PDE10A: variants seen among roughly 807,000 people sequenced by gnomAD.
PDE10A encodes the protein cAMP and cAMP-inhibited cGMP 3',5'-cyclic phosphodiesterase 10A.
Under a neutral mutation model 97.7 loss-of-function variants are expected in PDE10A, and 39 were observed. The observed-to-expected ratio is 0.40, with a 90% confidence interval of 0.31 to 0.52. The LOEUF (loss-of-function observed/expected upper bound fraction) is 0.52, where lower values mean the gene tolerates loss of function less well. Among genes scored for constraint, PDE10A ranks in the 20% least tolerant of loss-of-function variants. The pLI, the probability that PDE10A is intolerant of heterozygous loss-of-function variation, is 0.56. For synonymous variants in PDE10A, 371 were observed against 376.8 expected, an observed-to-expected ratio of 0.98 and a Z score of 0.18; for missense variants, 731 against 1,047.8, an observed-to-expected ratio of 0.70 and a Z score of 4.17.
chr6:165,480,790 T>C (rs1779561618), intron 3 of PDE10A, among the ~76,000 whole-genome samples: 1 of 152,196 alleles, frequency 6.6e-6, no homozygotes, highest in African/African-American at 2.4e-5. Context: ...TGAATCTTTA[T>C]TGAAAATAGT....
At chr6:165,902,327 G>C (rs1782135776) in intron 1 of PDE10A, among the ~76,000 whole-genome samples, 1 of 152,234 alleles carries the variant, frequency 6.6e-6, no homozygotes, top group Non-Finnish European at 1.5e-5. Flanking sequence ...ATGCAAAAAT[G>C]AGCAAGCGGC....
intron 2 of PDE10A, among the ~76,000 whole-genome samples, chr6:165,494,521 T>TGC (rs901181873): frequency 7.3e-6 from 1 of 137,216 alleles, no homozygotes; most frequent in Non-Finnish European, 1.6e-5. Context: ...TGTGTGCATA[T>TGC]ATATATATAT....
intron 21 of PDE10A, among the ~76,000 whole-genome samples, chr6:165,335,622 G>C (rs965780945): frequency 3.3e-5 from 5 of 152,088 alleles, no homozygotes; most frequent in African/African-American, 1.2e-4. Context: ...CCAGGCCTGA[G>C]GACCTCCAGG....
chr6:165,369,621 T>C (rs9459388), intron 18 of PDE10A, among the ~76,000 whole-genome samples: 57,403 of 134,194 alleles, frequency 0.43, 13,139 homozygotes, highest in African/African-American at 0.59. Context: ...CTGAAAGTGA[T>C]GGGGAGAATG....
chr6:165,909,044 G>A (rs1164148006), intron 1 of PDE10A: 1 of 152,142 alleles, frequency 6.6e-6, no homozygotes, highest in African/African-American at 2.4e-5. Context: ...TGGCAATGAA[G>A]ATCTGGAGAA....
At chr6:165,806,572 G>A (rs1209045026) in intron 1 of PDE10A, among the ~76,000 whole-genome samples, 1 of 152,160 alleles carries the variant, frequency 6.6e-6, no homozygotes, top group Non-Finnish European at 1.5e-5. Context: ...GTGCTATTCT[G>A]GGAGCTTCCT....
intron 3 of PDE10A, among the ~76,000 whole-genome samples, chr6:165,468,817 GTTA>G (rs1778816730): frequency 6.6e-6 from 1 of 152,158 alleles, no homozygotes; most frequent in Non-Finnish European, 1.5e-5. Context: ...TTACTGGATT[GTTA>G]TTATATTCTT....
At chr6:165,564,054 A>C (rs568254416) in intron 1 of PDE10A, among the ~76,000 whole-genome samples, 1 of 152,322 alleles carries the variant, frequency 6.6e-6, no homozygotes, top group Non-Finnish European at 1.5e-5. Flanking sequence ...TCAACAAAAG[A>C]ATTAAGTTAA....
At chr6:165,936,509 C>A (rs1783335496) in intron 1 of PDE10A, among the ~76,000 whole-genome samples, 1 of 152,124 alleles carries the variant, frequency 6.6e-6, no homozygotes, top group Admixed American at 6.5e-5. Context: ...ATGCTACACC[C>A]ATGTGTTAGC....
At chr6:165,954,928 G>T (rs567601372) in intron 1 of PDE10A, among the ~76,000 whole-genome samples, 1 of 152,186 alleles carries the variant, frequency 6.6e-6, no homozygotes, top group South Asian at 2.1e-4. Context: ...TTATTGCAGG[G>T]AATTAACAGC....
intron 1 of PDE10A, among the ~76,000 whole-genome samples, chr6:165,548,889 C>T (rs1426473451): frequency 6.6e-6 from 1 of 152,166 alleles, no homozygotes; most frequent in African/African-American, 2.4e-5. Flanking sequence ...AACATTCTCC[C>T]ATGGGTAAAC....
intron 7 of PDE10A, among the ~76,000 whole-genome samples, chr6:165,432,536 T>C (rs1306347044): frequency 6.6e-6 from 1 of 152,214 alleles, no homozygotes; most frequent in Non-Finnish European, 1.5e-5. Context: ...TGTATCATTT[T>C]AATATTTGCT....
chr6:165,826,516 T>C lies in PDE10A; in HGVS notation c.-615+161013A>G, dbSNP rs866181485. On this transcript the variant is annotated intron_variant, in intron 1 of 19. Transcript: ENST00000366882. ...CTGTCCCTGTGTCCCTCTGTCCCAG[T>C]GTTACTCTGCCCCTGTGTCCCTCTG... Among the ~76,000 whole-genome samples, 60 of 151,946 alleles carry C rather than the reference T, an allele frequency of 3.9e-4. No individual in the cohort carries two copies. The Middle Eastern group carries it at 0.014, about 35-fold the overall frequency.
intron 3 of PDE10A, among the ~76,000 whole-genome samples, chr6:165,475,900 A>G (rs1416040384): frequency 6.6e-6 from 1 of 152,182 alleles, no homozygotes; most frequent in East Asian, 1.9e-4. Flanking sequence ...GAGAAAAATC[A>G]CTGTGATCAA....
In PDE10A at chr6:165,787,706, T is replaced by C. The variant is rs1240416510; in HGVS notation, c.-615+199823A>G. On this transcript the variant is annotated intron_variant, in intron 1 of 19. Transcript: ENST00000366882. Reference sequence around the variant, plus strand: ...TAATTCATCCATTCAATAAAACTCATTGAACTTATCCTGTGTGCCAGGCAA... The same window carrying C: ...TAATTCATCCATTCAATAAAACTCACTGAACTTATCCTGTGTGCCAGGCAA... Among the ~76,000 whole-genome samples the C allele has an allele frequency of 2.0e-5, 3 of 152,328 alleles. No individual in the cohort carries two copies. The East Asian group carries it at 5.8e-4, about 29-fold the overall frequency.
At chr6:165,963,911 C>T (rs1784430687) in intron 1 of PDE10A, among the ~76,000 whole-genome samples, 1 of 152,174 alleles carries the variant, frequency 6.6e-6, no homozygotes, top group Non-Finnish European at 1.5e-5. Context: ...TGGTCCACTG[C>T]ACCTTATCGA....
chr6:165,648,818 A>G (rs1388798588), intron 1 of PDE10A, among the ~76,000 whole-genome samples: 1 of 152,262 alleles, frequency 6.6e-6, no homozygotes, highest in Non-Finnish European at 1.5e-5. Flanking sequence ...AAACTAGGGC[A>G]GTAATATTAT....
intron 3 of PDE10A, among the ~76,000 whole-genome samples, chr6:165,455,113 G>A (rs915139121): frequency 6.6e-6 from 1 of 152,078 alleles, no homozygotes; most frequent in South Asian, 2.1e-4. Context: ...GGGGACTACT[G>A]GACGTCAGCT....
At chr6:165,642,998 A>G (rs1789213756) in intron 1 of PDE10A, among the ~76,000 whole-genome samples, 2 of 152,312 alleles carry the variant, frequency 1.3e-5, no homozygotes, top group South Asian at 4.1e-4. Flanking sequence ...GACCCTGTCC[A>G]CCAAACAACC....
Sources: allele counts gnomAD v4.1 joint callset (sites outside exome capture counted in the v4.1 genomes callset), GRCh38; gene constraint gnomAD v4.1.1; transcripts MANE v1.5; gene names NCBI Gene and HGNC (gene_info 2026-07-23, HGNC 2026-07-21).